Variants in ADAMTS2 observed in about 807,000 individuals in gnomAD.
ADAMTS2 encodes the protein A disintegrin and metalloproteinase with thrombospondin motifs 2.
In ADAMTS2, 50 loss-of-function variants were observed where a neutral mutation model predicts 123.0. The ratio of observed to expected loss-of-function variants is 0.41; its 90% confidence interval spans 0.32 to 0.51. ADAMTS2 has a LOEUF of 0.51. ADAMTS2 is among the 20% of genes least tolerant of loss of function. The probability of loss-of-function intolerance (pLI) is 0.35; values close to 1 mark genes in which losing one functional copy is unlikely to be tolerated. For missense variants in ADAMTS2, 1,494 were observed against 1,705.2 expected (o/e 0.88, Z 2.18); for synonymous variants, 678 against 695.4 (o/e 0.98, Z 0.39).
In ADAMTS2 at chr5:179,307,455, C is replaced by T. The variant is rs1428163815; in HGVS notation, c.535-34391G>A. 5.3e-5 allele frequency among the ~76,000 whole-genome samples: 8 copies of T among 152,260 alleles called. No individual in the cohort carries two copies. The highest frequency in any genetic ancestry group is 2.1e-4 in the South Asian group (1 of 4,818). On this transcript the variant is annotated intron_variant, in intron 2 of 21. Coordinates refer to ENST00000251582, the MANE Select transcript of ADAMTS2 (RefSeq NM_014244.5). This position sits in a 1 kb window ranked among gnomAD's most constrained non-coding sequence, Gnocchi z 5.6. Reference sequence around the variant, plus strand: ...GGGGCACCACCACGCAGGGGCTTCCCGGGTCATGCTGCACCATCCACTAAT... The same window carrying T: ...GGGGCACCACCACGCAGGGGCTTCCTGGGTCATGCTGCACCATCCACTAAT...
chr5:179,321,696 A>AC (rs1757184866), intron 2 of ADAMTS2, among the ~76,000 whole-genome samples: 1 of 133,314 alleles, frequency 7.5e-6, no homozygotes, highest in Admixed American at 8.8e-5. Flanking sequence ...CCCGAATTCT[A>AC]CCCAGACCTT....
intron 3 of ADAMTS2, among the ~76,000 whole-genome samples, chr5:179,233,738 G>C (rs952200989): frequency 1.3e-5 from 2 of 152,034 alleles, no homozygotes; most frequent in African/African-American, 4.8e-5. Flanking sequence ...CAAAAAAACA[G>C]AAACACACAC....
rs573283677 is a variant in ADAMTS2 at position 179,331,960 on chromosome 5, C to T, written c.534+11807G>A. 9.8e-5 allele frequency among the ~76,000 whole-genome samples: 15 copies of T among 152,358 alleles called. No individual in the cohort carries two copies. In the South Asian group the frequency reaches 2.7e-3, roughly 27 times the overall value. On this transcript the variant is annotated intron_variant, in intron 2 of 21. Coordinates refer to ENST00000251582, the MANE Select transcript of ADAMTS2 (RefSeq NM_014244.5). ...CTCAGGTTAAGGCCTCAGTCCCACA[C>T]AGCAGCCCCACTTGCGGTGGCAAGT...
At chr5:179,334,039 G>C (rs1211509694) in intron 2 of ADAMTS2, among the ~76,000 whole-genome samples, 1 of 152,242 alleles carries the variant, frequency 6.6e-6, no homozygotes, top group African/African-American at 2.4e-5. Flanking sequence ...AAAGTCCGCT[G>C]TTAAGACACA....
intron 21 of ADAMTS2, among the ~76,000 whole-genome samples, chr5:179,120,009 G>T (rs983648876): frequency 6.6e-6 from 1 of 152,122 alleles, no homozygotes; most frequent in Non-Finnish European, 1.5e-5. Context: ...CACCTTTCAG[G>T]GGGAGGGGCC....
intron 11 of ADAMTS2, among the ~76,000 whole-genome samples, chr5:179,139,586 G>C (rs1185134171): frequency 6.6e-6 from 1 of 152,148 alleles, no homozygotes; most frequent in Non-Finnish European, 1.5e-5. Context: ...CATTTCCCCA[G>C]CTCGGTCCTC....
At position 179,132,364 on chromosome 5, in the gene ADAMTS2, A is replaced by G; in HGVS notation, c.2210-54T>C. The G allele has an allele frequency of 6.5e-7, 1 of 1,548,258 alleles. No individual in the cohort carries two copies. Among genetic ancestry groups the G allele is most frequent in the Non-Finnish European group, 8.9e-7 (1 of 1,123,010 alleles). Reference sequence around the variant, plus strand: ...ACTGAGAAGGGAAGGCGCCGCTCAAATTCGCACCATGCAAGGAGGGGCCTC... The same window carrying G: ...ACTGAGAAGGGAAGGCGCCGCTCAAGTTCGCACCATGCAAGGAGGGGCCTC... On this transcript the variant is annotated intron_variant, in intron 14 of 21. Coordinates refer to ENST00000251582, the MANE Select transcript of ADAMTS2 (RefSeq NM_014244.5). This position sits in a 1 kb window ranked among gnomAD's most constrained non-coding sequence, Gnocchi z 6.1.
In ADAMTS2 at chr5:179,245,248, C is replaced by T. The variant is rs1765756553; in HGVS notation, c.688+27663G>A. Among the ~76,000 whole-genome samples the T allele has an allele frequency of 2.0e-5, 3 of 152,164 alleles. No individual in the cohort carries two copies. The South Asian group carries it at 6.2e-4, about 32-fold the overall frequency. ...TCATGAGCCAAGGAATGCAGGTGGC[C>T]TCCAGAAACTGGAAAGGGCAAGGAA... On this transcript the variant is annotated intron_variant, in intron 3 of 21. Coordinates refer to ENST00000251582, the MANE Select transcript of ADAMTS2 (RefSeq NM_014244.5).
At chr5:179,230,231 G>A (rs540638248) in intron 3 of ADAMTS2, among the ~76,000 whole-genome samples, 1 of 152,282 alleles carries the variant, frequency 6.6e-6, no homozygotes, top group South Asian at 2.1e-4. Context: ...GTGCCCTCGG[G>A]GGCAAGGGGG....
At chr5:179,341,743 C>G (rs988165860) in intron 2 of ADAMTS2, among the ~76,000 whole-genome samples, 1 of 147,280 alleles carries the variant, frequency 6.8e-6, no homozygotes, top group Non-Finnish European at 1.5e-5. Flanking sequence ...GAAAACAGAA[C>G]CAATGGTGCT....
Position 179,179,618 on chromosome 5 carries a change from T to A in ADAMTS2, c.975+1454A>T, listed in dbSNP as rs1259206935. Among the ~76,000 whole-genome samples, 6 of 152,320 alleles carry A rather than the reference T, an allele frequency of 3.9e-5. No homozygotes were observed. The Middle Eastern group carries it at 0.01, about 259-fold the overall frequency. On this transcript the variant is annotated intron_variant, in intron 5 of 21. Transcript: ENST00000251582. Reference sequence around the variant, plus strand: ...TCTCATAGTTAGGTTTTTGCCAATTTCCCCTTTGTTCCAAGGATTTGTTTT... The same window carrying A: ...TCTCATAGTTAGGTTTTTGCCAATTACCCCTTTGTTCCAAGGATTTGTTTT...
chr5:179,138,625 G>T (rs1396964422), intron 11 of ADAMTS2, among the ~76,000 whole-genome samples: 1 of 152,240 alleles, frequency 6.6e-6, no homozygotes, highest in East Asian at 1.9e-4. Flanking sequence ...GCTTGAGGAG[G>T]GGCCACGGGG....
rs915470498 is a variant in ADAMTS2 at position 179,132,550 on chromosome 5, C to T, written c.2209+227G>A. On this transcript the variant is annotated intron_variant, in intron 14 of 21. Transcript: ENST00000251582. This position sits in a 1 kb window ranked among gnomAD's most constrained non-coding sequence, Gnocchi z 6.1. ...ATATACTGGCATTCTCCACTCTAAC[C>T]CCTGTGACCCCGGCCCCCACTCTCC... Among the ~76,000 whole-genome samples the T allele has an allele frequency of 1.8e-4, 27 of 152,226 alleles. No homozygotes were observed. Among genetic ancestry groups the T allele is most frequent in the African/African-American group, 6.5e-4 (27 of 41,532 alleles).
In ADAMTS2 at chr5:179,130,044, T is replaced by C. The variant is rs771373800; in HGVS notation, c.2345A>G (p.Asp782Gly). 1.9e-6 allele frequency: 3 copies of C among 1,614,156 alleles called. No homozygotes were observed. Reference sequence around the variant, plus strand: ...GGCAATGAAGGTTTTGGAACTGGCATCCACGTCATTCTCTTCATTTAAGAT... The same window carrying C: ...GGCAATGAAGGTTTTGGAACTGGCACCCACGTCATTCTCTTCATTTAAGAT... Reference protein sequence around the residue: ...KFILNEENDVDASSKTFIAMG... With the variant: ...KFILNEENDVGASSKTFIAMG... Residue 782 changes from aspartate to glycine, a missense_variant, in exon 16 of 22, where the codon GAT becomes GGT. Transcript: ENST00000251582. The surrounding 1 kb of genome is among the most constrained non-coding windows in gnomAD (Gnocchi z 4.3).
intron 10 of ADAMTS2, among the ~76,000 whole-genome samples, chr5:179,142,902 T>C (rs1370630341): frequency 6.6e-6 from 1 of 152,212 alleles, no homozygotes; most frequent in Non-Finnish European, 1.5e-5. Context: ...TCAAGGAAAC[T>C]TTCTGAGCCA....
chr5:179,315,064 AC>A (rs1398340061), intron 2 of ADAMTS2, among the ~76,000 whole-genome samples: 1 of 10,340 alleles, frequency 9.7e-5, no homozygotes, highest in Non-Finnish European at 2.1e-4. Flanking sequence ...CCAAGGCCCC[AC>A]CCCGGCCTCC....
chr5:179,166,696 G>A (rs539261872), intron 5 of ADAMTS2, among the ~76,000 whole-genome samples: 3 of 152,180 alleles, frequency 2.0e-5, no homozygotes, highest in Non-Finnish European at 2.9e-5. Context: ...GCGTGCGATC[G>A]GTCACCTGCC....
At chr5:179,156,766 T>G (rs1464951864) in intron 6 of ADAMTS2, among the ~76,000 whole-genome samples, 3 of 152,240 alleles carry the variant, frequency 2.0e-5, no homozygotes, top group Non-Finnish European at 4.4e-5. Context: ...ATGTATTTTC[T>G]CAAACATTCT....
At chr5:179,149,834 C>A (rs1157948948) in intron 10 of ADAMTS2, among the ~76,000 whole-genome samples, 1 of 152,164 alleles carries the variant, frequency 6.6e-6, no homozygotes, top group Non-Finnish European at 1.5e-5. Context: ...CCTCGGGAAC[C>A]AGGGGAGGCT....
Sources: gnomAD v4.1 joint callset for allele counts (sites outside exome capture counted in the v4.1 genomes callset) on GRCh38, gnomAD v4.1.1 for gene constraint, Gnocchi (gnomAD v3.1) non-coding constraint, MANE v1.5 for transcripts, NCBI Gene and HGNC (gene_info 2026-07-23, HGNC 2026-07-21) for gene names.